Variants in FBXL17 observed in about 807,000 individuals in gnomAD.
FBXL17 encodes F-box/LRR-repeat protein 17.
In FBXL17, 22 loss-of-function variants were observed where a neutral mutation model predicts 66.2. That is an observed-to-expected ratio of 0.33 (90% CI 0.24 to 0.47). The LOEUF (loss-of-function observed/expected upper bound fraction) is 0.47. Among genes scored for constraint, FBXL17 ranks in the 20% least tolerant of loss-of-function variants. The pLI, the probability that FBXL17 is intolerant of heterozygous loss-of-function variation, is 1.00. For missense variants in FBXL17, 878 were observed against 948.2 expected (o/e 0.93, Z 0.97); for synonymous variants, 474 against 400.5 (o/e 1.18, Z -2.19).
chr5:108,016,713 GTCT>G (rs1458128576), intron 7 of FBXL17, among the ~76,000 whole-genome samples: 1 of 151,854 alleles, frequency 6.6e-6, no homozygotes, highest in African/African-American at 2.4e-5. Context: ...TCACCTTCTT[GTCT>G]TCTTCTTAAT....
In FBXL17 at chr5:107,861,699, G is replaced by T; in HGVS notation, c.*21C>A. 6.4e-7 allele frequency: 1 copy of T among 1,551,772 alleles called. No individual in the cohort carries two copies. Among genetic ancestry groups the T allele is most frequent in the African/African-American group, 1.4e-5 (1 of 73,234 alleles). On this transcript the variant is annotated 3_prime_UTR_variant, in exon 9 of 9. Coordinates refer to ENST00000542267, the MANE Select transcript of FBXL17 (RefSeq NM_001163315.3). ...CTCTGCTCTGCTGAATGATCCCAGT[G>T]GACTAGGCGAGGCAGGAGCGCTAGG...
chr5:108,023,923 T>G (rs1754697852), intron 6 of FBXL17, among the ~76,000 whole-genome samples: 1 of 152,204 alleles, frequency 6.6e-6, no homozygotes, highest in Non-Finnish European at 1.5e-5. Context: ...TTAAAATGTT[T>G]ACTTCTTCAT....
intron 6 of FBXL17, among the ~76,000 whole-genome samples, chr5:108,076,903 G>A (rs763361988): frequency 6.6e-5 from 10 of 152,060 alleles, no homozygotes; most frequent in Non-Finnish European, 1.5e-4. Context: ...AAATATAAAC[G>A]AACTACTTCA....
In FBXL17 at chr5:108,159,938, T is replaced by C. The variant is rs370126266; in HGVS notation, c.1745+26179A>G. ...TATTTTCTCATTAGGAGAGTAAAAA[T>C]TTATACACTTTCTCTATATGTAAAA... On this transcript the variant is annotated intron_variant, in intron 6 of 8. Transcript: ENST00000542267. Among the ~76,000 whole-genome samples, 37 of 152,244 alleles carry C rather than the reference T, an allele frequency of 2.4e-4. No homozygotes were observed. In the South Asian group the frequency reaches 7.5e-3, roughly 31 times the overall value.
At chr5:107,959,000 G>A (rs1448208425) in intron 7 of FBXL17, among the ~76,000 whole-genome samples, 1 of 152,162 alleles carries the variant, frequency 6.6e-6, no homozygotes, top group Non-Finnish European at 1.5e-5. Flanking sequence ...TTGAAGATCA[G>A]GTGCGTTAGC....
rs550611600 is a variant in FBXL17 at position 108,138,532 on chromosome 5, G to A, written c.1745+47585C>T. Among the ~76,000 whole-genome samples, 5 of 152,294 alleles carry A rather than the reference G, an allele frequency of 3.3e-5. 1 individual carries two copies. In the South Asian group the frequency reaches 1.0e-3, roughly 32 times the overall value. ...ACATCTCCTCTTCAATTGGTCAAAG[G>A]TTAAAAAGGTAAACCAGAAGATATT... On this transcript the variant is annotated intron_variant, in intron 6 of 8. Coordinates refer to ENST00000542267, the MANE Select transcript of FBXL17 (RefSeq NM_001163315.3).
chr5:107,953,216 C>A (rs1233099971), intron 7 of FBXL17, among the ~76,000 whole-genome samples: 1 of 151,952 alleles, frequency 6.6e-6, no homozygotes, highest in East Asian at 1.9e-4. Flanking sequence ...TCCTGGCTAA[C>A]ACGGTGAAAC....
intron 4 of FBXL17, among the ~76,000 whole-genome samples, chr5:108,262,066 A>ATT (rs1164308201): frequency 1.3e-4 from 18 of 134,056 alleles, no homozygotes; most frequent in African/African-American, 4.5e-4. Context: ...TTATTTATTT[A>ATT]TTTATTTATT....
intron 4 of FBXL17, among the ~76,000 whole-genome samples, chr5:108,235,533 C>G (rs1029778316): frequency 1.3e-5 from 2 of 152,186 alleles, no homozygotes; most frequent in East Asian, 3.8e-4. Context: ...CTTGATGCCA[C>G]CAATCTATTT....
chr5:108,280,373 G>A (rs1757653943), intron 4 of FBXL17, among the ~76,000 whole-genome samples: 1 of 152,048 alleles, frequency 6.6e-6, no homozygotes, highest in African/African-American at 2.4e-5. Flanking sequence ...CATAAAGGAA[G>A]ACAAAATAAA....
chr5:108,000,691 G>A (rs576542817), intron 7 of FBXL17, among the ~76,000 whole-genome samples: 3 of 152,136 alleles, frequency 2.0e-5, no homozygotes, highest in Non-Finnish European at 4.4e-5. Context: ...AATCTCACTA[G>A]AGAGTATCAT....
At position 108,079,045 on chromosome 5, in the gene FBXL17, C is replaced by T. The variant is rs572229078; in HGVS notation, c.1746-58044G>A. Among the ~76,000 whole-genome samples the T allele has an allele frequency of 1.2e-4, 19 of 152,058 alleles. No individual in the cohort carries two copies. In the South Asian group the frequency reaches 3.7e-3, roughly 30 times the overall value. ...TTTTTTCCCTGTAGAGACAGGGTCTCACTATGTGGTCCAGGCTGGTCTCAA... is the reference window on the plus strand; with the variant it reads ...TTTTTTCCCTGTAGAGACAGGGTCTTACTATGTGGTCCAGGCTGGTCTCAA... On this transcript the variant is annotated intron_variant, in intron 6 of 8. Transcript: ENST00000542267.
intron 6 of FBXL17, among the ~76,000 whole-genome samples, chr5:108,033,422 G>GCA (rs1746717120): frequency 6.6e-6 from 1 of 152,100 alleles, no homozygotes; most frequent in South Asian, 2.1e-4. Context: ...TTTGACAAAT[G>GCA]CATATATATG....
At chr5:108,245,158 A>T (rs1418597693) in intron 4 of FBXL17, among the ~76,000 whole-genome samples, 1 of 152,188 alleles carries the variant, frequency 6.6e-6, no homozygotes, top group Non-Finnish European at 1.5e-5. Flanking sequence ...AACAAAGAAC[A>T]TACCCATCCC....
chr5:108,125,177 A>C (rs1212085821), intron 6 of FBXL17, among the ~76,000 whole-genome samples: 2 of 152,092 alleles, frequency 1.3e-5, no homozygotes, highest in Non-Finnish European at 2.9e-5. Flanking sequence ...CTATAAAAAT[A>C]AAATGTAATG....
chr5:108,216,728 C>T (rs968273541), intron 5 of FBXL17, among the ~76,000 whole-genome samples: 5 of 152,098 alleles, frequency 3.3e-5, no homozygotes, highest in Non-Finnish European at 5.9e-5. Flanking sequence ...GGGTCAGTGC[C>T]TCATCCCCAC....
intron 4 of FBXL17, among the ~76,000 whole-genome samples, chr5:108,268,479 T>C (rs1757133665): frequency 6.6e-6 from 1 of 152,016 alleles, no homozygotes; most frequent in South Asian, 2.1e-4. Flanking sequence ...AATTCTCATG[T>C]TTTTCTTCTG....
intron 7 of FBXL17, among the ~76,000 whole-genome samples, chr5:108,011,906 A>C (rs1357444762): frequency 6.6e-6 from 1 of 152,180 alleles, no homozygotes; most frequent in Non-Finnish European, 1.5e-5. Context: ...TGTAGGGTTA[A>C]GAAAGGAATT....
chr5:108,267,417 T>C (rs1426014927), intron 4 of FBXL17, among the ~76,000 whole-genome samples: 1 of 152,064 alleles, frequency 6.6e-6, no homozygotes, highest in African/African-American at 2.4e-5. Flanking sequence ...TTAGGTGGTC[T>C]GAAATTCTTA....
Sources: gnomAD v4.1 joint callset for allele counts (sites outside exome capture counted in the v4.1 genomes callset) on GRCh38, gnomAD v4.1.1 for gene constraint, MANE v1.5 for transcripts, NCBI Gene and HGNC (gene_info 2026-07-23, HGNC 2026-07-21) for gene names.